Variants in LHFPL3 observed in about 807,000 individuals in gnomAD.
The protein encoded by LHFPL3 is LHFPL tetraspan subfamily member 3, also known as LHFPL tetraspan subfamily member 3 protein.
Under a neutral mutation model 19.3 loss-of-function variants are expected in LHFPL3, and 5 were observed. That is an observed-to-expected ratio of 0.26 (90% confidence interval 0.14 to 0.54). The LOEUF (loss-of-function observed/expected upper bound fraction) is 0.54. Among genes scored for constraint, LHFPL3 ranks in the 20% least tolerant of loss-of-function variants. LHFPL3 has a pLI of 0.94. For missense variants in LHFPL3, 249 were observed against 307.4 expected (o/e 0.81, Z 1.42); for synonymous variants, 133 against 126.2 (o/e 1.05, Z -0.36).
chr7:104,477,154 T>C (rs942436446), intron 1 of LHFPL3, among the ~76,000 whole-genome samples: 2 of 152,076 alleles, frequency 1.3e-5, no homozygotes, highest in Non-Finnish European at 2.9e-5. Flanking sequence ...CATGCCCAGC[T>C]ATATTTTTAA....
intron 1 of LHFPL3, among the ~76,000 whole-genome samples, chr7:104,338,253 C>T (rs913135759): frequency 6.6e-6 from 1 of 151,840 alleles, no homozygotes; most frequent in South Asian, 2.1e-4. Flanking sequence ...CGCCCGCCAC[C>T]ACGCCCGATT....
At chr7:104,903,136 C>A (rs1455966188) in intron 2 of LHFPL3, among the ~76,000 whole-genome samples, 1 of 152,162 alleles carries the variant, frequency 6.6e-6, no homozygotes, top group Non-Finnish European at 1.5e-5. Context: ...CCCTTCCCAG[C>A]CCACTGAGAA....
chr7:104,735,879 A>C (rs544941873), intron 1 of LHFPL3, among the ~76,000 whole-genome samples: 1 of 152,364 alleles, frequency 6.6e-6, no homozygotes, highest in African/African-American at 2.4e-5. Flanking sequence ...TCATCCATTG[A>C]TAGACATTAG....
intron 1 of LHFPL3, among the ~76,000 whole-genome samples, chr7:104,576,640 TTTTG>T (rs896062075): frequency 7.2e-5 from 11 of 151,968 alleles, no homozygotes; most frequent in Non-Finnish European, 1.5e-4. Flanking sequence ...AGTTGGGTTT[TTTTG>T]TTTGTTTGTT....
intron 1 of LHFPL3, among the ~76,000 whole-genome samples, chr7:104,553,875 A>G (rs1330943330): frequency 2.0e-5 from 3 of 152,152 alleles, no homozygotes; most frequent in Non-Finnish European, 4.4e-5. Context: ...TGGCTAGACT[A>G]GAGGCTCAGG....
At chr7:104,875,878 T>C (rs1791929914) in intron 2 of LHFPL3, among the ~76,000 whole-genome samples, 1 of 152,186 alleles carries the variant, frequency 6.6e-6, no homozygotes, top group South Asian at 2.1e-4. Flanking sequence ...CTCACTCTCA[T>C]TAAAATCATT....
At chr7:104,446,749 T>C (rs893134607) in intron 1 of LHFPL3, among the ~76,000 whole-genome samples, 10 of 151,954 alleles carry the variant, frequency 6.6e-5, no homozygotes, top group Non-Finnish European at 2.9e-5. Flanking sequence ...CTAATTTTTT[T>C]ATATTTTTAG....
intron 1 of LHFPL3, among the ~76,000 whole-genome samples, chr7:104,592,344 T>C (rs1181549528): frequency 6.6e-6 from 1 of 151,836 alleles, no homozygotes; most frequent in African/African-American, 2.4e-5. Flanking sequence ...CTTCTAACAG[T>C]AAGGACCCTC....
At chr7:104,769,626 C>T (rs1794517325) in intron 2 of LHFPL3, among the ~76,000 whole-genome samples, 1 of 148,086 alleles carries the variant, frequency 6.8e-6, no homozygotes, top group Non-Finnish European at 1.5e-5. Context: ...CAACCCCCGA[C>T]AGGCCCCGGT....
At chr7:104,835,583 CTTTT>C (rs71155528) in intron 2 of LHFPL3, among the ~76,000 whole-genome samples, 3 of 143,796 alleles carry the variant, frequency 2.1e-5, no homozygotes, top group Non-Finnish European at 4.5e-5. Flanking sequence ...ACTTTGTTTT[CTTTT>C]TTTTTTTTTG....
intron 2 of LHFPL3, among the ~76,000 whole-genome samples, chr7:104,868,758 G>A (rs887589917): frequency 2.1e-4 from 32 of 152,210 alleles, no homozygotes; most frequent in East Asian, 5.8e-4. Flanking sequence ...AAAAGAGCCC[G>A]CATTGCCAAG....
At chr7:104,565,081 T>C (rs1312671923) in intron 1 of LHFPL3, among the ~76,000 whole-genome samples, 3 of 152,252 alleles carry the variant, frequency 2.0e-5, no homozygotes, top group African/African-American at 4.8e-5. Context: ...CATTTTGCAA[T>C]GGCTTAATTT....
chr7:104,863,199 C>A (rs1791649429), intron 2 of LHFPL3, among the ~76,000 whole-genome samples: 1 of 152,100 alleles, frequency 6.6e-6, no homozygotes, highest in African/African-American at 2.4e-5. Flanking sequence ...CTCCATTTGA[C>A]TTATCTCTTT....
chr7:104,704,029 T>C (rs1793145024), intron 1 of LHFPL3, among the ~76,000 whole-genome samples: 1 of 152,236 alleles, frequency 6.6e-6, no homozygotes, highest in African/African-American at 2.4e-5. Context: ...ATGAAATTTT[T>C]AAGCTGCTAT....
intron 1 of LHFPL3, among the ~76,000 whole-genome samples, chr7:104,391,018 T>G (rs1189973429): frequency 2.6e-5 from 4 of 152,210 alleles, no homozygotes; most frequent in Non-Finnish European, 5.9e-5. Flanking sequence ...TTCGCCTACT[T>G]TTTGATGGGG....
chr7:104,491,855 C>A (rs188103421), intron 1 of LHFPL3, among the ~76,000 whole-genome samples: 2 of 152,288 alleles, frequency 1.3e-5, no homozygotes, highest in East Asian at 3.9e-4. Flanking sequence ...ATTAAAATGA[C>A]CAACACAGAA....
chr7:104,590,961 G>A (rs1272988198), intron 1 of LHFPL3, among the ~76,000 whole-genome samples: 1 of 151,900 alleles, frequency 6.6e-6, no homozygotes, highest in African/African-American at 2.4e-5. Flanking sequence ...CTTTCCATTT[G>A]CTTGGCAGAT....
At chr7:104,370,406 C>T (rs1465910957) in intron 1 of LHFPL3, among the ~76,000 whole-genome samples, 1 of 152,138 alleles carries the variant, frequency 6.6e-6, no homozygotes, top group Non-Finnish European at 1.5e-5. Context: ...CTAGCACCAC[C>T]GCCCTCCCCT....
At chr7:104,704,690 C>T (rs557076903) in intron 1 of LHFPL3, among the ~76,000 whole-genome samples, 1 of 151,438 alleles carries the variant, frequency 6.6e-6, no homozygotes, top group South Asian at 2.1e-4. Context: ...GGCTAAAGTG[C>T]AATGGCGTGA....
Sources: gnomAD v4.1 joint callset for allele counts (sites outside exome capture counted in the v4.1 genomes callset) on GRCh38, gnomAD v4.1.1 for gene constraint, MANE v1.5 for transcripts, NCBI Gene and HGNC (gene_info 2026-07-23, HGNC 2026-07-21) for gene names.